Variants in KCNG2 observed in about 807,000 individuals in gnomAD.
KCNG2 encodes voltage-gated potassium channel regulatory subunit KCNG2.
KCNG2 carries 7 observed loss-of-function variants against 12.3 expected under a neutral mutation model. That is an observed-to-expected ratio of 0.57 (90% confidence interval 0.32 to 1.07). KCNG2 has a LOEUF of 1.07. Ranked by LOEUF, KCNG2 falls within the 50% of genes least tolerant of loss-of-function variation. The pLI is 0.04. For synonymous variants in KCNG2, 414 were observed against 351.4 expected (o/e 1.18, Z -1.99); for missense variants, 703 against 726.0 (o/e 0.97, Z 0.36).
intron 1 of KCNG2, among the ~76,000 whole-genome samples, chr18:79,842,746 C>T (rs1439859208): frequency 6.6e-6 from 1 of 152,140 alleles, no homozygotes; most frequent in Admixed American, 6.6e-5. Context: ...GAGATTTCAA[C>T]AGTAGACTCA....
chr18:79,851,097 G>A (rs558477580), intron 1 of KCNG2, among the ~76,000 whole-genome samples: 47 of 152,316 alleles, frequency 3.1e-4, no homozygotes, highest in African/African-American at 1.1e-3. Context: ...TGAATCGGCA[G>A]CTGCTGCATA....
At position 79,863,855 on chromosome 18, in the gene KCNG2, A is replaced by C; in HGVS notation, c.188A>C (p.Asp63Ala). ...DDLLRVCDDYDVSRDEFFFDR... is the reference protein window; with the variant it reads ...DDLLRVCDDYAVSRDEFFFDR... ...CTGCTGCGCGTGTGTGACGACTACG[A>C]CGTGAGCCGCGACGAGTTCTTCTTC... The change falls in exon 3 of 4, where the codon GAC becomes GCC. Residue 63 changes from aspartate (D) to alanine (A), a missense_variant. Transcript: ENST00000316249. 1 of 1,468,594 alleles carries C rather than the reference A, an allele frequency of 6.8e-7. No individual in the cohort carries two copies. Among genetic ancestry groups the C allele is most frequent in the Non-Finnish European group, 9.0e-7 (1 of 1,107,272 alleles). The allele number at this position is 1,468,594 out of a possible 1,614,324, so 91.0% of individuals were successfully genotyped here. A position where few individuals can be genotyped will look rare whatever the true frequency, so the allele number is the denominator to read the frequency against.
intron 1 of KCNG2, among the ~76,000 whole-genome samples, chr18:79,840,508 A>G (rs554989765): frequency 3.6e-4 from 55 of 152,354 alleles, no homozygotes; most frequent in African/African-American, 1.3e-3. Flanking sequence ...GAATTAGCTT[A>G]TTAAAAATGT....
At chr18:79,818,588 C>T (rs2087547300) in intron 1 of KCNG2, among the ~76,000 whole-genome samples, 1 of 152,232 alleles carries the variant, frequency 6.6e-6, no homozygotes, top group African/African-American at 2.4e-5. Flanking sequence ...GACCCCAGCC[C>T]ATCAGTCGGG....
In KCNG2 at chr18:79,899,439, C is replaced by T. The variant is rs1483300608; in HGVS notation, c.1024C>T (p.Leu342=). Residue 342 remains leucine (L), a synonymous_variant, in exon 4 of 4, where the codon CTG becomes TTG. Coordinates refer to ENST00000316249, the MANE Select transcript of KCNG2 (RefSeq NM_012283.2). The part of the protein sequence containing the change: ...AMALFAPLVH[L]AERELGARRD... Reference sequence around the variant, plus strand: ...GGCGCTCTTCGCGCCACTGGTGCACCTGGCCGAGCGCGAGCTGGGCGCGCG... The same window carrying T: ...GGCGCTCTTCGCGCCACTGGTGCACTTGGCCGAGCGCGAGCTGGGCGCGCG... 1.3e-6 allele frequency: 2 copies of T among 1,596,032 alleles called. No individual in the cohort carries two copies. Among genetic ancestry groups the T allele is most frequent in the East Asian group, 4.5e-5 (2 of 44,108 alleles).
At chr18:79,842,304 G>A (rs866650143) in intron 1 of KCNG2, among the ~76,000 whole-genome samples, 1 of 152,170 alleles carries the variant, frequency 6.6e-6, no homozygotes, top group South Asian at 2.1e-4. Flanking sequence ...CCAGCAGCAG[G>A]CCTTCATATG....
chr18:79,838,102 A>G (rs976956098), intron 1 of KCNG2, among the ~76,000 whole-genome samples: 2 of 152,138 alleles, frequency 1.3e-5, no homozygotes, highest in Non-Finnish European at 1.5e-5. Context: ...ATCAAATCTC[A>G]GGAGAACTTG....
chr18:79,836,791 C>G (rs1309416098), intron 1 of KCNG2, among the ~76,000 whole-genome samples: 2 of 152,138 alleles, frequency 1.3e-5, no homozygotes, highest in African/African-American at 4.8e-5. Context: ...ATGAGGGAAA[C>G]CAACCCCGTA....
At chr18:79,844,087 A>G (rs747072433) in intron 1 of KCNG2, among the ~76,000 whole-genome samples, 1 of 152,210 alleles carries the variant, frequency 6.6e-6, no homozygotes, top group Non-Finnish European at 1.5e-5. Flanking sequence ...GTTTATACTT[A>G]TATCAGACAA....
At chr18:79,843,527 G>A (rs1270812611) in intron 1 of KCNG2, among the ~76,000 whole-genome samples, 2 of 152,304 alleles carry the variant, frequency 1.3e-5, no homozygotes, top group Admixed American at 6.5e-5. Context: ...TTAAAAATAA[G>A]TATAGCTACA....
chr18:79,881,485 T>G (rs1173219786), intron 3 of KCNG2, among the ~76,000 whole-genome samples: 2 of 152,240 alleles, frequency 1.3e-5, no homozygotes, highest in Non-Finnish European at 2.9e-5. Context: ...AATTCAAATT[T>G]TTTAAAGTTC....
intron 1 of KCNG2, among the ~76,000 whole-genome samples, chr18:79,801,516 G>A (rs956778739): frequency 2.0e-5 from 3 of 152,240 alleles, no homozygotes; most frequent in East Asian, 1.9e-4. Flanking sequence ...CTGGGCCCGG[G>A]AGCCCTCCGA....
In KCNG2 at chr18:79,855,208, AT is replaced by A. The variant is rs559675073; in HGVS notation, c.-114-1170del. On this transcript the variant is annotated intron_variant, in intron 1 of 3. Transcript: ENST00000316249. ...TGGTTTGTCATTTTAGTTTCAGTTC[AT>A]CTTGGCTGGGGCTTTGTCTGTGGGA... Among the ~76,000 whole-genome samples the A allele has an allele frequency of 2.2e-4, 33 of 152,046 alleles. 1 individual carries two copies. In the East Asian group the frequency reaches 5.3e-3, roughly 24 times the overall value.
In KCNG2 at chr18:79,864,217, G is replaced by A; in HGVS notation, c.550G>A (p.Val184Met). 8 of 1,549,760 alleles carry A rather than the reference G, an allele frequency of 5.2e-6. No homozygotes were observed. The highest frequency in any genetic ancestry group is 6.9e-6 in the Non-Finnish European group (8 of 1,152,156). The part of the protein sequence containing the change: ...LAGKLFACVS[V>M]SFVAVTAVGL... ...GGGCAAGCTCTTCGCCTGCGTGTCC[G>A]TGTCCTTCGTGGCCGTCACGGCCGT... The change falls in exon 3 of 4, where the codon GTG becomes ATG. Residue 184 changes from valine to methionine, a missense_variant. Coordinates refer to ENST00000316249, the MANE Select transcript of KCNG2 (RefSeq NM_012283.2).
chr18:79,832,321 G>A (rs543761543), intron 1 of KCNG2, among the ~76,000 whole-genome samples: 13 of 141,284 alleles, frequency 9.2e-5, no homozygotes, highest in African/African-American at 1.1e-4. Context: ...TCAGCTGCCC[G>A]TCCTCACCTG....
rs1489791981 is a variant in KCNG2 at position 79,838,076 on chromosome 18, G to C, written c.-114-18303G>C. Reference sequence around the variant, plus strand: ...AAGCGAGAGTGAGTGAAGGGAAAGTGCCTCACTTTTAAACCATCAAATCTC... The same window carrying C: ...AAGCGAGAGTGAGTGAAGGGAAAGTCCCTCACTTTTAAACCATCAAATCTC... On this transcript the variant is annotated intron_variant, in intron 1 of 3. Coordinates refer to ENST00000316249, the MANE Select transcript of KCNG2 (RefSeq NM_012283.2). Among the ~76,000 whole-genome samples the C allele has an allele frequency of 2.6e-5, 4 of 152,188 alleles. 1 individual carries two copies. The East Asian group carries it at 7.7e-4, about 29-fold the overall frequency.
chr18:79,868,798 G>A (rs966677634), intron 3 of KCNG2, among the ~76,000 whole-genome samples: 2 of 152,200 alleles, frequency 1.3e-5, no homozygotes, highest in Non-Finnish European at 2.9e-5. Context: ...AGCCTCAGAC[G>A]AGCCAAATCA....
At position 79,863,893 on chromosome 18, in the gene KCNG2, T is replaced by C; in HGVS notation, c.226T>C (p.Cys76Arg). The change falls in exon 3 of 4, where the codon TGC becomes CGC. Residue 76 changes from cysteine to arginine, a missense_variant. Physicochemically the swap from Cys to Arg is radical, Grantham distance 180 (BLOSUM62 -3). Coordinates refer to ENST00000316249, the MANE Select transcript of KCNG2 (RefSeq NM_012283.2). Reference sequence around the variant, plus strand: ...CGAGTTCTTCTTCGACCGCAGCCCGTGCGCCTTCCGCGCCATCGTGGCGCT... The same window carrying C: ...CGAGTTCTTCTTCGACCGCAGCCCGCGCGCCTTCCGCGCCATCGTGGCGCT... ...RDEFFFDRSPCAFRAIVALLR... is the reference protein window; with the variant it reads ...RDEFFFDRSPRAFRAIVALLR... The C allele has an allele frequency of 6.8e-7, 1 of 1,460,284 alleles. No homozygotes were observed. Among genetic ancestry groups the C allele is most frequent in the South Asian group, 1.3e-5 (1 of 77,930 alleles). 90.5% of individuals were successfully genotyped at this position (1,460,284 alleles called of 1,614,324 possible). A position where few individuals can be genotyped will look rare whatever the true frequency, so the allele number is the denominator to read the frequency against.
chr18:79,887,938 G>A (rs753962739), intron 3 of KCNG2, among the ~76,000 whole-genome samples: 17 of 152,158 alleles, frequency 1.1e-4, no homozygotes. Context: ...GGGAGTGGAT[G>A]TCTGACGAGG....
Sources: gnomAD v4.1 joint callset for allele counts (sites outside exome capture counted in the v4.1 genomes callset) on GRCh38, gnomAD v4.1.1 for gene constraint, MANE v1.5 for transcripts, NCBI Gene and HGNC (gene_info 2026-07-23, HGNC 2026-07-21) for gene names.